Variants in IGF2R observed in about 807,000 individuals in gnomAD.
The protein encoded by IGF2R is cation-independent mannose-6-phosphate receptor.
In IGF2R, 91 loss-of-function variants were observed where a neutral mutation model predicts 270.6. The observed-to-expected ratio is 0.34, with a 90% CI of 0.28 to 0.40. IGF2R has a LOEUF of 0.40. Among genes scored for constraint, IGF2R ranks in the 10% least tolerant of loss-of-function variants. The pLI, the probability that IGF2R is intolerant of heterozygous loss-of-function variation, is 1.00. For missense variants in IGF2R, 2,805 were observed against 3,188.3 expected, an observed-to-expected ratio of 0.88 and a Z score of 2.90; for synonymous variants, 1,316 against 1,258.9, an observed-to-expected ratio of 1.05 and a Z score of -0.96.
chr6:160,013,608 T>G (rs1175001104), intron 4 of IGF2R, among the ~76,000 whole-genome samples: 1 of 152,190 alleles, frequency 6.6e-6, no homozygotes, highest in Non-Finnish European at 1.5e-5. Context: ...TGGGGCTTTA[T>G]TCATTGAGTT....
At chr6:160,060,804 G>A (rs180896290) in intron 23 of IGF2R, 87 bp downstream of exon 23, 1,511 of 1,296,018 alleles carry the variant, frequency 1.2e-3, no homozygotes, top group Non-Finnish European at 1.5e-3. Flanking sequence ...CTGTGTGTAT[G>A]TATATTTGTG....
At chr6:160,048,844 A>C (rs1025244307) in intron 18 of IGF2R, among the ~76,000 whole-genome samples, 1 of 152,246 alleles carries the variant, frequency 6.6e-6, no homozygotes, top group Non-Finnish European at 1.5e-5. Flanking sequence ...AGGTGCTTTC[A>C]GCAGACACCT....
chr6:160,003,051 T>C (rs1005029646), intron 2 of IGF2R, among the ~76,000 whole-genome samples: 6 of 152,326 alleles, frequency 3.9e-5, no homozygotes, highest in Non-Finnish European at 8.8e-5. Context: ...GTTTGGCTTC[T>C]TGTTGGTGAC....
intron 1 of IGF2R, among the ~76,000 whole-genome samples, chr6:159,988,548 C>G (rs1476514162): frequency 6.7e-6 from 1 of 149,614 alleles, no homozygotes; most frequent in African/African-American, 2.5e-5. Context: ...AAAAGCATAG[C>G]ATTTTAGGTA....
Position 160,107,534 on chromosome 6 carries a change from T to G in IGF2R, c.*2450T>G, listed in dbSNP as rs1295659972. 6.6e-6 allele frequency: 1 copy of G among 152,264 alleles called. No individual in the cohort carries two copies. Among genetic ancestry groups the G allele is most frequent in the Admixed American group, 6.5e-5 (1 of 15,290 alleles). 9.4% of individuals were successfully genotyped at this position (152,264 alleles called of 1,614,324 possible). On this transcript the variant is annotated 3_prime_UTR_variant, in exon 48 of 48. Transcript: ENST00000356956. ...ACAGCAAATCAGAATTGGACTCTTT[T>G]TCAGAGAAATGATTTTATTGATGGA...
intron 2 of IGF2R, chr6:160,006,536 C>G (rs1268696435): frequency 6.6e-6 from 1 of 152,324 alleles, no homozygotes; most frequent in Non-Finnish European, 1.5e-5. Context: ...GCCGACTGGG[C>G]AAAAGTTTTA....
intron 44 of IGF2R, among the ~76,000 whole-genome samples, chr6:160,091,840 T>G (rs1022589175): frequency 1.6e-4 from 24 of 152,218 alleles, no homozygotes; most frequent in African/African-American, 5.8e-4. Context: ...GTCTAGGCTC[T>G]CTCTGACACA....
intron 7 of IGF2R, among the ~76,000 whole-genome samples, chr6:160,030,678 T>G (rs1013670096): frequency 2.6e-5 from 4 of 152,230 alleles, no homozygotes; most frequent in African/African-American, 9.6e-5. Context: ...TTTTATTTGT[T>G]CTACATTTGG....
chr6:160,074,454 A>AATTATTTTG (rs1430302642), intron 35 of IGF2R, among the ~76,000 whole-genome samples: 1 of 152,248 alleles, frequency 6.6e-6, no homozygotes, highest in East Asian at 1.9e-4. Context: ...TGCATTAAAA[A>AATTATTTTG]ATTATTTTGT....
chr6:160,026,767 G>A (rs757162010), intron 5 of IGF2R, among the ~76,000 whole-genome samples: 3 of 152,168 alleles, frequency 2.0e-5, no homozygotes, highest in African/African-American at 4.8e-5. Context: ...CAACGTTATC[G>A]ACATAGTAAG....
chr6:160,064,861 T>G lies in IGF2R; in HGVS notation c.4075T>G (p.Tyr1359Asp). ...CSYLFEWRTQ[Y>D]ACPPFDLTEC... ...CTACTTGTTTGAGTGGCGAACGCAGTATGCCTGCCCACCTTTCGATCTGAC... is the reference window on the plus strand; with the variant it reads ...CTACTTGTTTGAGTGGCGAACGCAGGATGCCTGCCCACCTTTCGATCTGAC... The change falls in exon 29 of 48, where the codon TAT becomes GAT. Residue 1359 changes from tyrosine (Y) to aspartate (D), a missense_variant. Tyr to Asp is a radical substitution (Grantham distance 160). This residue lies in a region of IGF2R where 1,851 missense variants were observed against 2,207.2 expected (regional missense o/e 0.84). Coordinates refer to ENST00000356956, the MANE Select transcript of IGF2R (RefSeq NM_000876.4). 6.2e-7 allele frequency: 1 copy of G among 1,613,682 alleles called. No individual in the cohort carries two copies. The highest frequency in any genetic ancestry group is 1.1e-5 in the South Asian group (1 of 91,074).
intron 7 of IGF2R, among the ~76,000 whole-genome samples, chr6:160,031,844 C>T (rs1342098215): frequency 6.6e-6 from 1 of 152,178 alleles, no homozygotes; most frequent in Non-Finnish European, 1.5e-5. Flanking sequence ...CCCAGTAAGT[C>T]GTGTCTCCTA....
At position 160,069,944 on chromosome 6, in the gene IGF2R, A is replaced by C. The variant is rs534017351; in HGVS notation, c.4329A>C (p.Gly1443=). Residue 1443 remains glycine (G), a synonymous_variant, in exon 31 of 48, where the codon GGA becomes GGC. Coordinates refer to ENST00000356956, the MANE Select transcript of IGF2R (RefSeq NM_000876.4). The part of the protein sequence containing the change: ...KPVNLGRVRD[G]PQWRDGIIVL... The stretch of plus-strand genomic sequence containing the variant: ...TGAACCTCGGCAGGGTAAGGGACGG[A>C]CCTCAGTGGAGAGATGGCATAATTG... 6.2e-7 allele frequency: 1 copy of C among 1,614,186 alleles called. No individual in the cohort carries two copies. The highest frequency in any genetic ancestry group is 1.6e-4 in the Middle Eastern group (1 of 6,062).
intron 1 of IGF2R, among the ~76,000 whole-genome samples, chr6:159,973,594 C>T (rs1029410084): frequency 1.4e-4 from 22 of 152,048 alleles, no homozygotes; most frequent in Non-Finnish European, 3.2e-4. Flanking sequence ...CTAATTTGGG[C>T]CACATGTTAA....
At chr6:160,030,331 A>C (rs1015436855) in intron 7 of IGF2R, among the ~76,000 whole-genome samples, 5 of 152,166 alleles carry the variant, frequency 3.3e-5, no homozygotes, top group African/African-American at 1.2e-4. Flanking sequence ...CTTCTTAGTA[A>C]TAGGGTGAAG....
chr6:160,091,809 C>T lies in IGF2R; in HGVS notation c.6655+1706C>T, dbSNP rs574043593. Reference sequence around the variant, plus strand: ...GATTGTTTCAGAAGCCTTCAGGGGCCCTATCATGCAGAGAAGGAAAGTCTA... The same window carrying T: ...GATTGTTTCAGAAGCCTTCAGGGGCTCTATCATGCAGAGAAGGAAAGTCTA... On this transcript the variant is annotated intron_variant, in intron 44 of 47. Transcript: ENST00000356956. 3.3e-5 allele frequency among the ~76,000 whole-genome samples: 5 copies of T among 152,290 alleles called. No individual in the cohort carries two copies. The South Asian group carries it at 1.0e-3, about 32-fold the overall frequency.
chr6:160,013,179 T>G (rs1174000953), intron 4 of IGF2R, among the ~76,000 whole-genome samples: 2 of 152,144 alleles, frequency 1.3e-5, no homozygotes, highest in African/African-American at 4.8e-5. Flanking sequence ...TTCTACCACC[T>G]AGGAAAAAAT....
At chr6:159,978,572 T>C (rs1330141072) in intron 1 of IGF2R, among the ~76,000 whole-genome samples, 1 of 152,016 alleles carries the variant, frequency 6.6e-6, no homozygotes, top group Non-Finnish European at 1.5e-5. Flanking sequence ...GAATGGGTGC[T>C]GTTGTAGGTG....
chr6:159,979,063 G>A (rs1247422657), intron 1 of IGF2R, among the ~76,000 whole-genome samples: 2 of 152,148 alleles, frequency 1.3e-5, no homozygotes, highest in African/African-American at 4.8e-5. Flanking sequence ...TGTGGGCTAT[G>A]GCCTAGAGGG....
Sources: gnomAD v4.1 joint callset for allele counts (sites outside exome capture counted in the v4.1 genomes callset) on GRCh38, gnomAD v4.1.1 for gene constraint, gnomAD v4.1.1 regional missense constraint, MANE v1.5 for transcripts, NCBI Gene and HGNC (gene_info 2026-07-23, HGNC 2026-07-21) for gene names.